Variants in DOCK1 observed in about 807,000 individuals in gnomAD.
DOCK1 encodes the protein dedicator of cytokinesis 1.
A neutral mutation model predicts 262.7 loss-of-function variants in DOCK1; 138 were observed. The observed-to-expected ratio is 0.53, with a 90% CI of 0.46 to 0.61. The LOEUF is 0.61. Ranked by LOEUF, DOCK1 falls within the 20% of genes least tolerant of loss-of-function variation. The pLI, the probability that DOCK1 is intolerant of heterozygous loss-of-function variation, is 0.00. For synonymous variants in DOCK1, 866 were observed against 867.4 expected (o/e 1.00, Z 0.03); for missense variants, 1,908 against 2,370.7 (o/e 0.80, Z 4.05).
chr10:127,451,929 T>C lies in DOCK1; in HGVS notation c.*502T>C. ...CGTTGGTTGAGGTGTGTCTCCAACC[T>C]ACATCAGACCATGAAGTTCAACCCC... On this transcript the variant is annotated 3_prime_UTR_variant, in exon 52 of 52. Coordinates refer to ENST00000623213, the MANE Select transcript of DOCK1 (RefSeq NM_001290223.2). The C allele has an allele frequency of 6.3e-6, 1 of 159,212 alleles. No individual in the cohort carries two copies. Among genetic ancestry groups the C allele is most frequent in the Non-Finnish European group, 1.4e-5 (1 of 73,118 alleles). 9.9% of individuals were successfully genotyped at this position (159,212 alleles called of 1,614,324 possible).
At chr10:127,291,753 G>A (rs2135370536) in intron 29 of DOCK1, among the ~76,000 whole-genome samples, 1 of 152,362 alleles carries the variant, frequency 6.6e-6, no homozygotes, top group Non-Finnish European at 1.5e-5. Context: ...TGCGCTGGCT[G>A]TGTACTGTTT....
At chr10:127,400,312 T>A in intron 38 of DOCK1, among the ~76,000 whole-genome samples, 1 of 151,988 alleles carries the variant, frequency 6.6e-6, no homozygotes, top group East Asian at 1.9e-4. Flanking sequence ...TTCAGTGGGG[T>A]CATCCTGGAA....
intron 1 of DOCK1, among the ~76,000 whole-genome samples, chr10:126,937,899 G>A (rs1370509750): frequency 6.6e-6 from 1 of 152,032 alleles, no homozygotes; most frequent in African/African-American, 2.4e-5. Flanking sequence ...GTGCACTTGA[G>A]GTCATATCCA....
rs79987548 is a variant in DOCK1 at position 127,426,386 on chromosome 10, C to T, written c.4914+375C>T. Among the ~76,000 whole-genome samples, 539 of 152,330 alleles carry T rather than the reference C, an allele frequency of 3.5e-3. 2 individuals carry two copies. Among genetic ancestry groups the T allele is most frequent in the Non-Finnish European group, 4.7e-3 (319 of 68,034 alleles). On this transcript the variant is annotated intron_variant, in intron 47 of 51. Transcript: ENST00000623213. ...ATACAATACACACAGAGGGTTCGGTCATCCACAGGGCAACAGCACTCACGA... is the reference window on the plus strand; with the variant it reads ...ATACAATACACACAGAGGGTTCGGTTATCCACAGGGCAACAGCACTCACGA...
At position 127,409,435 on chromosome 10, in the gene DOCK1, G is replaced by T. The variant is rs138947521; in HGVS notation, c.4343+44G>T. ...TTACCCAACGTGAGGGTTGTAAGAG[G>T]CTGTGTACAGATCTCTTGCTAATAA... is the stretch of plus-strand genomic sequence containing the variant. On this transcript the variant is annotated intron_variant, in intron 42 of 51. Transcript: ENST00000623213. 6.9e-6 allele frequency: 11 copies of T among 1,584,384 alleles called. No individual in the cohort carries two copies. In the South Asian group the frequency reaches 1.0e-4, roughly 14 times the overall value.
At chr10:127,284,639 C>G (rs960589180) in intron 29 of DOCK1, among the ~76,000 whole-genome samples, 1 of 152,178 alleles carries the variant, frequency 6.6e-6, no homozygotes, top group African/African-American at 2.4e-5. Flanking sequence ...GTAATCCCAA[C>G]ACTTTGGAAA....
In DOCK1 at chr10:127,204,778, G is replaced by A. The variant is rs536070510; in HGVS notation, c.2848-43230G>A. Among the ~76,000 whole-genome samples, 7 of 152,300 alleles carry A rather than the reference G, an allele frequency of 4.6e-5. No individual in the cohort carries two copies. In the South Asian group the frequency reaches 1.2e-3, roughly 27 times the overall value. ...TAAACATTGAAGAAGATCACCTAGG[G>A]TTGAGTAGGTAAGAAGTAAATGTGG... On this transcript the variant is annotated intron_variant, in intron 27 of 51. Coordinates refer to ENST00000623213, the MANE Select transcript of DOCK1 (RefSeq NM_001290223.2).
At chr10:126,925,347 T>C (rs1366478356) in intron 1 of DOCK1, among the ~76,000 whole-genome samples, 1 of 152,230 alleles carries the variant, frequency 6.6e-6, no homozygotes, top group East Asian at 1.9e-4. Flanking sequence ...TCTCTTGGTG[T>C]CTTCTCTTAC....
At chr10:126,926,621 A>G (rs1479962806) in intron 1 of DOCK1, among the ~76,000 whole-genome samples, 1 of 152,154 alleles carries the variant, frequency 6.6e-6, no homozygotes, top group East Asian at 1.9e-4. Context: ...CACAGATGTA[A>G]TTCGTTAAGA....
chr10:127,030,097 G>C (rs2043134908), intron 16 of DOCK1, among the ~76,000 whole-genome samples: 1 of 152,166 alleles, frequency 6.6e-6, no homozygotes, highest in African/African-American at 2.4e-5. Context: ...GGAAGGCAAA[G>C]GTGATAAGCC....
chr10:127,039,127 C>T (rs1441005128), intron 19 of DOCK1, among the ~76,000 whole-genome samples: 1 of 152,182 alleles, frequency 6.6e-6, no homozygotes, highest in Non-Finnish European at 1.5e-5. Flanking sequence ...TTTGGTCGCA[C>T]CAGTTTCCTG....
At chr10:127,052,846 C>G in intron 22 of DOCK1, 31 bp downstream of exon 22, 18 of 1,587,928 alleles carry the variant, frequency 1.1e-5, no homozygotes, top group Non-Finnish European at 1.5e-5. Flanking sequence ...TGCCCGGGCT[C>G]TCAGAGGACT....
chr10:127,176,083 C>A lies in DOCK1; in HGVS notation c.2847+48319C>A. 1.2e-6 allele frequency: 2 copies of A among 1,614,106 alleles called. No individual in the cohort carries two copies. Among genetic ancestry groups the A allele is most frequent in the Non-Finnish European group, 1.7e-6 (2 of 1,180,030 alleles). ...TTCTTAAGGTCGGGCGAGGTCTGCA[C>A]GCCTGTGCTCTTGGTGACGTTGGGG... On this transcript the variant is annotated intron_variant, in intron 27 of 51. Coordinates refer to ENST00000623213, the MANE Select transcript of DOCK1 (RefSeq NM_001290223.2). This position sits in a 1 kb window ranked among gnomAD's most constrained non-coding sequence, Gnocchi z 4.4.
At chr10:126,906,135 G>A (rs2030756384) in intron 1 of DOCK1, among the ~76,000 whole-genome samples, 2 of 152,222 alleles carry the variant, frequency 1.3e-5, no homozygotes, top group South Asian at 4.1e-4. Flanking sequence ...GGGACCGTGT[G>A]GGACCTTGGA....
chr10:127,283,536 A>G (rs984772021), intron 29 of DOCK1, among the ~76,000 whole-genome samples: 1 of 152,224 alleles, frequency 6.6e-6, no homozygotes, highest in African/African-American at 2.4e-5. Flanking sequence ...AAGGAGTGAA[A>G]AGAGCACAAT....
At chr10:126,939,630 G>T (rs1173422772) in intron 1 of DOCK1, among the ~76,000 whole-genome samples, 1 of 152,054 alleles carries the variant, frequency 6.6e-6, no homozygotes, top group Non-Finnish European at 1.5e-5. Flanking sequence ...CAGAGTGCTG[G>T]GATTACAGGC....
In DOCK1 at chr10:127,032,696, G is replaced by A. The variant is rs55813513; in HGVS notation, c.1912+376G>A. ...AGCTTCCCATGTAGCTGGGACCACA[G>A]GTGTGCAGCATCACGCTTGGCTAAT... is the stretch of plus-strand genomic sequence containing the variant. On this transcript the variant is annotated intron_variant, in intron 18 of 51. Transcript: ENST00000623213. 2.2e-3 allele frequency among the ~76,000 whole-genome samples: 340 copies of A among 152,220 alleles called. No homozygotes were observed. In the Middle Eastern group the frequency reaches 0.024, roughly 11 times the overall value.
chr10:126,922,511 A>G (rs1311729333), intron 1 of DOCK1, among the ~76,000 whole-genome samples: 2 of 152,144 alleles, frequency 1.3e-5, no homozygotes, highest in Non-Finnish European at 2.9e-5. Flanking sequence ...CTCACTGAGT[A>G]AGAACTTGGT....
chr10:127,084,870 C>G (rs928548410), intron 23 of DOCK1, among the ~76,000 whole-genome samples: 1 of 151,870 alleles, frequency 6.6e-6, no homozygotes, highest in South Asian at 2.1e-4. Flanking sequence ...CTCCTGAAGA[C>G]TTGGGTGATG....
Sources: allele counts gnomAD v4.1 joint callset (sites outside exome capture counted in the v4.1 genomes callset), GRCh38; gene constraint gnomAD v4.1.1; non-coding constraint Gnocchi (gnomAD v3.1); transcripts MANE v1.5; gene names NCBI Gene and HGNC (gene_info 2026-07-23, HGNC 2026-07-21).